Variants in TRPC1 observed in about 807,000 individuals in gnomAD.
TRPC1 encodes short transient receptor potential channel 1.
TRPC1 carries 42 observed loss-of-function variants against 88.2 expected under a neutral mutation model. That is an observed-to-expected ratio of 0.48 (90% CI 0.37 to 0.62). The LOEUF (loss-of-function observed/expected upper bound fraction) is 0.62. Among genes scored for constraint, TRPC1 ranks in the 20% least tolerant of loss-of-function variants. The pLI, the probability that TRPC1 is intolerant of heterozygous loss-of-function variation, is 0.00. For synonymous variants in TRPC1, 288 were observed against 331.8 expected, an observed-to-expected ratio of 0.87 and a Z score of 1.43; for missense variants, 699 against 957.3, an observed-to-expected ratio of 0.73 and a Z score of 3.56.
At chr3:142,801,297 A>G (rs1448796408) in intron 9 of TRPC1, 1 of 151,318 alleles carries the variant, frequency 6.6e-6, no homozygotes, top group African/African-American at 2.5e-5. Flanking sequence ...ATAAAAAATA[A>G]AAACAATATT....
chr3:142,773,151 T>C (rs191355176), intron 4 of TRPC1, among the ~76,000 whole-genome samples: 1 of 152,334 alleles, frequency 6.6e-6, no homozygotes, highest in East Asian at 1.9e-4. Flanking sequence ...ATTCAACCCA[T>C]AGCAAGCCTC....
intron 4 of TRPC1, among the ~76,000 whole-genome samples, chr3:142,761,137 T>C (rs1935170161): frequency 6.6e-6 from 1 of 152,162 alleles, no homozygotes; most frequent in Admixed American, 6.5e-5. Context: ...TGAATAATAG[T>C]GGGAAAGTGG....
At chr3:142,733,299 G>T (rs528017226) in intron 1 of TRPC1, among the ~76,000 whole-genome samples, 1 of 152,228 alleles carries the variant, frequency 6.6e-6, no homozygotes, top group African/African-American at 2.4e-5. Flanking sequence ...ATCACTTGAG[G>T]TCAGGAGTTC....
chr3:142,732,561 A>T (rs1933965011), intron 1 of TRPC1, among the ~76,000 whole-genome samples: 1 of 152,106 alleles, frequency 6.6e-6, no homozygotes, highest in African/African-American at 2.4e-5. Flanking sequence ...GAGGAAGATC[A>T]TGGGGGTTTG....
intron 5 of TRPC1, among the ~76,000 whole-genome samples, chr3:142,779,903 A>G (rs1370048820): frequency 7.1e-6 from 1 of 141,570 alleles, no homozygotes; most frequent in Non-Finnish European, 1.5e-5. Flanking sequence ...GCTGGAGGGC[A>G]GTGGCACCAT....
At chr3:142,753,531 G>C (rs1451214911) in intron 4 of TRPC1, among the ~76,000 whole-genome samples, 1 of 151,558 alleles carries the variant, frequency 6.6e-6, no homozygotes, top group African/African-American at 2.4e-5. Flanking sequence ...TTTGGAGGCC[G>C]AGGCAGGCCG....
chr3:142,728,902 T>C (rs945332367), intron 1 of TRPC1, among the ~76,000 whole-genome samples: 3 of 152,160 alleles, frequency 2.0e-5, no homozygotes, highest in Non-Finnish European at 2.9e-5. Flanking sequence ...TGAAGTGTTA[T>C]GTTGACAATG....
chr3:142,805,535 G>C (rs1350866057), intron 12 of TRPC1, among the ~76,000 whole-genome samples: 1 of 152,096 alleles, frequency 6.6e-6, no homozygotes, highest in Non-Finnish European at 1.5e-5. Context: ...ATTGATAAAA[G>C]TCAAAATATA....
intron 4 of TRPC1, among the ~76,000 whole-genome samples, chr3:142,757,500 G>T (rs1288570797): frequency 6.6e-6 from 1 of 152,076 alleles, no homozygotes; most frequent in East Asian, 1.9e-4. Context: ...CCTTTGTGGG[G>T]ACATGGATGA....
At chr3:142,798,890 C>G (rs533349608) in intron 9 of TRPC1, among the ~76,000 whole-genome samples, 1 of 152,236 alleles carries the variant, frequency 6.6e-6, no homozygotes, top group East Asian at 1.9e-4. Context: ...TGATAGCAAC[C>G]TTTCCCTTAT....
intron 3 of TRPC1, among the ~76,000 whole-genome samples, chr3:142,744,466 A>T (rs888074698): frequency 6.6e-6 from 1 of 152,156 alleles, no homozygotes; most frequent in African/African-American, 2.4e-5. Context: ...TAATTTTTAA[A>T]AGCCCATGTG....
intron 12 of TRPC1, among the ~76,000 whole-genome samples, chr3:142,804,928 C>T (rs955021225): frequency 1.4e-4 from 21 of 151,956 alleles, no homozygotes; most frequent in Admixed American, 1.3e-3. Context: ...TGGTGAAACC[C>T]CATCTCTACT....
rs1401840375 is a variant in TRPC1 at position 142,798,652 on chromosome 3, T to C, written c.1582-3517T>C. Among the ~76,000 whole-genome samples, 4 of 152,140 alleles carry C rather than the reference T, an allele frequency of 2.6e-5. No individual in the cohort carries two copies. In the South Asian group the frequency reaches 8.3e-4, roughly 32 times the overall value. Reference sequence around the variant, plus strand: ...GGACCGTGGATTGGAGTTGGGGAGATGAGGCTAAAAAAGACAGGCTGGGCT... The same window carrying C: ...GGACCGTGGATTGGAGTTGGGGAGACGAGGCTAAAAAAGACAGGCTGGGCT... On this transcript the variant is annotated intron_variant, in intron 9 of 12. Coordinates refer to ENST00000476941, the MANE Select transcript of TRPC1 (RefSeq NM_001251845.2).
chr3:142,747,342 C>CA (rs11342744), intron 3 of TRPC1, among the ~76,000 whole-genome samples: 6 of 150,782 alleles, frequency 4.0e-5, no homozygotes, highest in Admixed American at 2.0e-4. Context: ...TATAATATTG[C>CA]AAAAAAAAAG....
At position 142,724,559 on chromosome 3, in the gene TRPC1, G is replaced by A. The variant is rs779982042; in HGVS notation, c.-1G>A. On this transcript the variant is annotated 5_prime_UTR_variant, in exon 1 of 13. Transcript: ENST00000476941. This position sits in a 1 kb window ranked among gnomAD's most constrained non-coding sequence, Gnocchi z 5.6. ...CTGGCCTGCCCCCTTCATGGGCCGC[G>A]ATGATGGCGGCCCTGTACCCGAGCA... 5.6e-5 allele frequency: 88 copies of A among 1,564,786 alleles called. No homozygotes were observed. The highest frequency in any genetic ancestry group is 9.4e-5 in the Admixed American group (5 of 53,100).
rs374776485 is a variant in TRPC1 at position 142,736,670 on chromosome 3, CTTCT to C, written c.327+138_327+141del. ...TTCTTTCTTTGTCTCTCTTACTCTC[CTTCT>C]GTCTTTCATCTTTTATTTGGTTTTG... On this transcript the variant is annotated intron_variant, in intron 2 of 12. Transcript: ENST00000476941. The C allele has an allele frequency of 9.8e-5, 80 of 819,698 alleles. No homozygotes were observed. In the African/African-American group the frequency reaches 9.9e-4, roughly 10 times the overall value. The allele number at this position is 819,698 out of a possible 1,614,324, so 50.8% of individuals were successfully genotyped here. A position where few individuals can be genotyped will look rare whatever the true frequency, so the allele number is the denominator to read the frequency against.
intron 7 of TRPC1, among the ~76,000 whole-genome samples, chr3:142,785,532 C>T (rs1936106237): frequency 1.3e-5 from 2 of 152,148 alleles, no homozygotes; most frequent in African/African-American, 4.8e-5. Context: ...GACAGAGTCT[C>T]GCTCTGTCGC....
chr3:142,726,698 C>A (rs1040497425), intron 1 of TRPC1, among the ~76,000 whole-genome samples: 1 of 152,088 alleles, frequency 6.6e-6, no homozygotes, highest in African/African-American at 2.4e-5. Context: ...CTTTTGATTA[C>A]GTGTTTGTAT....
chr3:142,757,380 A>G (rs1367896029), intron 4 of TRPC1, among the ~76,000 whole-genome samples: 2 of 152,134 alleles, frequency 1.3e-5, no homozygotes, highest in Non-Finnish European at 1.5e-5. Flanking sequence ...CACTATTCAC[A>G]ATAGCAAAGA....
Sources: allele counts gnomAD v4.1 joint callset (sites outside exome capture counted in the v4.1 genomes callset), GRCh38; gene constraint gnomAD v4.1.1; non-coding constraint Gnocchi (gnomAD v3.1); transcripts MANE v1.5; gene names NCBI Gene and HGNC (gene_info 2026-07-23, HGNC 2026-07-21).